Variants in AHCYL1 observed in about 807,000 individuals in gnomAD.
AHCYL1 encodes S-adenosylhomocysteine hydrolase-like protein 1.
A neutral mutation model predicts 79.3 loss-of-function variants in AHCYL1; 20 were observed. That is an observed-to-expected ratio of 0.25 (90% CI 0.18 to 0.37). The LOEUF is 0.37. AHCYL1 is among the 10% of genes least tolerant of loss of function. The pLI is 1.00. For missense variants in AHCYL1, 330 were observed against 673.6 expected, an observed-to-expected ratio of 0.49 and a Z score of 5.65; for synonymous variants, 223 against 242.2, an observed-to-expected ratio of 0.92 and a Z score of 0.74.
Position 110,018,465 on chromosome 1 carries a change from G to A in AHCYL1, c.1216G>A (p.Val406Met). 1.9e-6 allele frequency: 3 copies of A among 1,614,138 alleles called. No homozygotes were observed. Among genetic ancestry groups the A allele is most frequent in the Non-Finnish European group, 2.5e-6 (3 of 1,180,010 alleles). Residue 406 changes from valine (V) to methionine (M), a missense_variant and splice_region_variant, in exon 12 of 17, where the codon GTG becomes ATG. Physicochemically the swap from Val to Met is conservative, Grantham distance 21. This residue lies in a region of AHCYL1 where 119 missense variants were observed against 293.3 expected (regional missense o/e 0.41). Coordinates refer to ENST00000369799, the MANE Select transcript of AHCYL1 (RefSeq NM_006621.7). ...NMGHSNTEID[V>M]TSLRTPELTW... Reference sequence around the variant, plus strand: ...GGGCCACTCCAACACAGAAATCGATGTGGTAAGGCTTCTCTCATTTGTTGC... The same window carrying A: ...GGGCCACTCCAACACAGAAATCGATATGGTAAGGCTTCTCTCATTTGTTGC...
chr1:110,003,960 A>AGAG, intron 1 of AHCYL1: 1 of 985,430 alleles, frequency 1.0e-6, no homozygotes, highest in Non-Finnish European at 1.2e-6. Flanking sequence ...TCTTACAGGA[A>AGAG]GAGAGGGGAG....
chr1:110,016,628 C>T (rs754337489), intron 8 of AHCYL1, 39 bp from the exon 9 acceptor site: 261 of 1,612,350 alleles, frequency 1.6e-4, no homozygotes, highest in Non-Finnish European at 2.2e-4. Flanking sequence ...TGAGTTTGAG[C>T]TATTAACGTT....
chr1:109,986,131 A>G (rs1046780584), intron 1 of AHCYL1, among the ~76,000 whole-genome samples: 3 of 152,164 alleles, frequency 2.0e-5, no homozygotes, highest in African/African-American at 7.2e-5. Context: ...CTTTACAAAG[A>G]GGTGACCTTC....
At chr1:110,005,897 T>C (rs1047229411) in intron 1 of AHCYL1, among the ~76,000 whole-genome samples, 1 of 151,740 alleles carries the variant, frequency 6.6e-6, no homozygotes, top group Non-Finnish European at 1.5e-5. Context: ...GCTCACTTTG[T>C]CAGCAGACTT....
In AHCYL1 at chr1:109,985,063, C is replaced by A; in HGVS notation, c.11C>A (p.Pro4His). 1 of 1,601,838 alleles carries A rather than the reference C, an allele frequency of 6.2e-7. No individual in the cohort carries two copies. Among genetic ancestry groups the A allele is most frequent in the South Asian group, 1.1e-5 (1 of 89,454 alleles). MSM[P>H]DAMPLPGVGE... ...CGGGCCGGCCGGGGAATGTCGATGC[C>A]TGACGCGATGCCGCTGCCCGGGGTC... The change falls in exon 1 of 17, where the codon CCT becomes CAT. Residue 4 changes from proline to histidine, a missense_variant. Transcript: ENST00000369799.
At chr1:109,995,714 A>G (rs1649995845) in intron 1 of AHCYL1, 1 of 984,826 alleles carries the variant, frequency 1.0e-6, no homozygotes, top group East Asian at 1.1e-4. Flanking sequence ...TATCAGTCAC[A>G]TAGAGGGTTT....
chr1:109,998,323 A>G (rs1169843762), intron 1 of AHCYL1, among the ~76,000 whole-genome samples: 3 of 152,254 alleles, frequency 2.0e-5, no homozygotes, highest in African/African-American at 7.2e-5. Context: ...ATTATAATTA[A>G]AAATTCTTAT....
At chr1:109,992,408 CAAAAA>C (rs57891226) in intron 1 of AHCYL1, among the ~76,000 whole-genome samples, 4 of 72,774 alleles carry the variant, frequency 5.5e-5, no homozygotes, top group Non-Finnish European at 6.2e-5. Flanking sequence ...GACTCCGTCT[CAAAAA>C]AAAAAAAAAA....
intron 1 of AHCYL1, among the ~76,000 whole-genome samples, chr1:109,986,725 G>A (rs1286877830): frequency 6.6e-6 from 1 of 152,202 alleles, no homozygotes; most frequent in Non-Finnish European, 1.5e-5. Context: ...TACCACTGTT[G>A]ATAAGACAAA....
At position 110,018,222 on chromosome 1, in the gene AHCYL1, G is replaced by A. The variant is rs948584152; in HGVS notation, c.1124-151G>A. The A allele has an allele frequency of 1.5e-5, 13 of 876,366 alleles. No homozygotes were observed. In the African/African-American group the frequency reaches 1.7e-4, roughly 11 times the overall value. The allele number at this position is 876,366 out of a possible 1,614,324, so 54.3% of individuals were successfully genotyped here. On this transcript the variant is annotated intron_variant, in intron 11 of 16. Coordinates refer to ENST00000369799, the MANE Select transcript of AHCYL1 (RefSeq NM_006621.7). ...TACTGCTTGATCTGAAGACCAGATA[G>A]CCTAAGGAGCGGTTATGCATGTCTT... is the stretch of plus-strand genomic sequence containing the variant.
chr1:110,013,689 G>A (rs983060610), intron 5 of AHCYL1, among the ~76,000 whole-genome samples: 6 of 152,006 alleles, frequency 3.9e-5, no homozygotes, highest in South Asian at 2.1e-4. Flanking sequence ...CAGCCTGGGC[G>A]ACAGAGTGAA....
chr1:109,991,208 TTCAC>T (rs1302579238), intron 1 of AHCYL1, among the ~76,000 whole-genome samples: 4 of 152,198 alleles, frequency 2.6e-5, no homozygotes, highest in Non-Finnish European at 5.9e-5. Context: ...GGCTTAATCA[TTCAC>T]TACCCAAATG....
chr1:110,002,159 A>ATT (rs1228102836), intron 1 of AHCYL1, among the ~76,000 whole-genome samples: 2 of 152,230 alleles, frequency 1.3e-5, no homozygotes, highest in African/African-American at 4.8e-5. Context: ...AAAAGGATTG[A>ATT]TTTCTCTCTC....
chr1:110,023,481 T>G lies in AHCYL1; in HGVS notation c.*1801T>G, dbSNP rs528448110. ...CCCTGCTGGAGGGAAGGGACCCACA[T>G]TCACCTGCCCTCTGACCTGCCCCTT... On this transcript the variant is annotated 3_prime_UTR_variant, in exon 17 of 17. Transcript: ENST00000369799. 6.5e-6 allele frequency: 1 copy of G among 152,682 alleles called. No homozygotes were observed. The highest frequency in any genetic ancestry group is 2.1e-4 in the South Asian group (1 of 4,818). 9.5% of individuals were successfully genotyped at this position (152,682 alleles called of 1,614,324 possible).
intron 1 of AHCYL1, among the ~76,000 whole-genome samples, chr1:109,991,110 CTG>C (rs1649737303): frequency 6.6e-6 from 1 of 152,140 alleles, no homozygotes; most frequent in African/African-American, 2.4e-5. Context: ...GTTTCTATCT[CTG>C]TTTAATTTTT....
rs1006334076 is a variant in AHCYL1, at chr1:110,016,860, A to G, written c.963+130A>G. On this transcript the variant is annotated intron_variant, in intron 9 of 16. Coordinates refer to ENST00000369799, the MANE Select transcript of AHCYL1 (RefSeq NM_006621.7). ...AATTTTTTTAGATAATGTATCTCAAACAATAGCAAAAGCCTTTTATTCAGA... is the reference window on the plus strand; with the variant it reads ...AATTTTTTTAGATAATGTATCTCAAGCAATAGCAAAAGCCTTTTATTCAGA... 4.2e-6 allele frequency: 4 copies of G among 947,956 alleles called. No individual in the cohort carries two copies. In the African/African-American group the frequency reaches 4.9e-5, roughly 12 times the overall value. 58.7% of individuals were successfully genotyped at this position (947,956 alleles called of 1,614,324 possible). A position where few individuals can be genotyped will look rare whatever the true frequency, so the allele number is the denominator to read the frequency against.
At chr1:110,017,782 G>A (rs894337009) in intron 10 of AHCYL1, among the ~76,000 whole-genome samples, 164 bp from the exon 11 acceptor site, 2 of 152,144 alleles carry the variant, frequency 1.3e-5, no homozygotes, top group African/African-American at 4.8e-5. Context: ...GAGTCTTGGG[G>A]ACTCTGAAGA....
intron 14 of AHCYL1, 126 bp downstream of exon 14, chr1:110,019,245 G>A (rs1651633908): frequency 8.9e-6 from 9 of 1,007,038 alleles, no homozygotes; most frequent in Non-Finnish European, 1.3e-5. Flanking sequence ...ATAAATTGTG[G>A]AAACAGGTAT....
At chr1:110,014,231 A>G (rs900195658) in intron 5 of AHCYL1, among the ~76,000 whole-genome samples, 2 of 152,190 alleles carry the variant, frequency 1.3e-5, no homozygotes, top group African/African-American at 4.8e-5. Context: ...CAATCCCACT[A>G]CATAGAGTAT....
Sources: allele counts gnomAD v4.1 joint callset (sites outside exome capture counted in the v4.1 genomes callset), GRCh38; gene constraint gnomAD v4.1.1; regional missense constraint gnomAD v4.1.1; transcripts MANE v1.5; gene names NCBI Gene and HGNC (gene_info 2026-07-23, HGNC 2026-07-21).